Variants in RUNDC3B observed in about 807,000 individuals in gnomAD.
The protein encoded by RUNDC3B is RUN domain-containing protein 3B.
RUNDC3B carries 33 observed loss-of-function variants against 58.4 expected under a neutral mutation model. The observed-to-expected ratio is 0.56, with a 90% CI of 0.43 to 0.75. RUNDC3B has a LOEUF of 0.75. Among genes scored for constraint, RUNDC3B ranks in the 30% least tolerant of loss-of-function variants. The pLI is 0.00. For missense variants in RUNDC3B, 501 were observed against 535.7 expected (o/e 0.94, Z 0.64); for synonymous variants, 193 against 195.2 (o/e 0.99, Z 0.10).
chr7:87,679,835 A>G (rs1254126712), intron 2 of RUNDC3B, among the ~76,000 whole-genome samples: 2 of 150,776 alleles, frequency 1.3e-5, no homozygotes, highest in Non-Finnish European at 2.9e-5. Flanking sequence ...GAAATCATAT[A>G]AAGTATGTTC....
chr7:87,778,550 CA>C (rs1200722437), intron 8 of RUNDC3B, among the ~76,000 whole-genome samples: 2 of 151,822 alleles, frequency 1.3e-5, no homozygotes, highest in East Asian at 3.8e-4. Context: ...TATATTATTC[CA>C]AATGCATATG....
intron 3 of RUNDC3B, among the ~76,000 whole-genome samples, chr7:87,707,609 G>A (rs1014120615): frequency 2.0e-5 from 3 of 152,160 alleles, no homozygotes; most frequent in African/African-American, 7.2e-5. Context: ...GTGAGGCAGA[G>A]GTTGCAGTGA....
intron 3 of RUNDC3B, among the ~76,000 whole-genome samples, chr7:87,706,367 A>G (rs1829585680): frequency 6.6e-6 from 1 of 152,076 alleles, no homozygotes; most frequent in Admixed American, 6.5e-5. Context: ...TAATAAATTG[A>G]AGGGAGGAGT....
intron 4 of RUNDC3B, among the ~76,000 whole-genome samples, chr7:87,715,344 A>ATT (rs1563157946): frequency 8.5e-5 from 10 of 117,800 alleles, no homozygotes; most frequent in African/African-American, 3.7e-4. Context: ...ATTAATTTAT[A>ATT]ATAATTATAT....
At chr7:87,755,314 C>T (rs1833306266) in intron 6 of RUNDC3B, among the ~76,000 whole-genome samples, 1 of 152,030 alleles carries the variant, frequency 6.6e-6, no homozygotes, top group South Asian at 2.1e-4. Context: ...AGCCACCATG[C>T]CTGGCCAGCT....
intron 2 of RUNDC3B, among the ~76,000 whole-genome samples, chr7:87,660,802 T>G (rs1157012260): frequency 2.0e-5 from 3 of 151,956 alleles, no homozygotes; most frequent in Admixed American, 6.6e-5. Context: ...TTCTACTTGT[T>G]CTGATCATTT....
intron 9 of RUNDC3B, 148 bp from the exon 10 acceptor site, chr7:87,815,993 A>C: frequency 1.7e-6 from 1 of 601,560 alleles, no homozygotes; most frequent in East Asian, 2.9e-5. Context: ...GATCATACTG[A>C]AGCCAAGAAT....
chr7:87,645,293 A>G (rs1235471202), intron 1 of RUNDC3B, among the ~76,000 whole-genome samples: 2 of 152,052 alleles, frequency 1.3e-5, no homozygotes, highest in Admixed American at 1.3e-4. Context: ...CATGTTGGCC[A>G]GGCAGGTCTT....
At chr7:87,673,877 G>T (rs1194003779) in intron 2 of RUNDC3B, among the ~76,000 whole-genome samples, 1 of 152,050 alleles carries the variant, frequency 6.6e-6, no homozygotes, top group Non-Finnish European at 1.5e-5. Flanking sequence ...CCTTGGATGG[G>T]TTTTTTTGCT....
intron 4 of RUNDC3B, among the ~76,000 whole-genome samples, chr7:87,716,063 AAATT>A (rs1257374892): frequency 1.3e-5 from 2 of 152,164 alleles, no homozygotes; most frequent in African/African-American, 4.8e-5. Flanking sequence ...AAACAGGCAA[AAATT>A]AATTGATTAA....
At chr7:87,683,244 G>A (rs375331351) in intron 2 of RUNDC3B, among the ~76,000 whole-genome samples, 14 of 152,214 alleles carry the variant, frequency 9.2e-5, no homozygotes, top group African/African-American at 3.1e-4. Flanking sequence ...CTTCTATTCA[G>A]ACCACTCAAA....
At chr7:87,708,871 T>C (rs1390015200) in intron 3 of RUNDC3B, among the ~76,000 whole-genome samples, 2 of 152,220 alleles carry the variant, frequency 1.3e-5, no homozygotes, top group African/African-American at 4.8e-5. Context: ...TATATAAAGC[T>C]CTAAAACAGG....
intron 3 of RUNDC3B, among the ~76,000 whole-genome samples, chr7:87,705,150 C>A (rs888885326): frequency 6.6e-6 from 1 of 151,996 alleles, no homozygotes; most frequent in Non-Finnish European, 1.5e-5. Context: ...ATGGGCCAGG[C>A]GTGGTGGCTC....
chr7:87,672,546 G>C (rs1423382718), intron 2 of RUNDC3B, among the ~76,000 whole-genome samples: 6 of 152,192 alleles, frequency 3.9e-5, no homozygotes. Context: ...CAAGGGGTAT[G>C]TACAGGGGTC....
In RUNDC3B at chr7:87,832,100, CTAAAGG is replaced by C; in HGVS notation, c.*2073_*2078del. On this transcript the variant is annotated 3_prime_UTR_variant, in exon 11 of 11. Coordinates refer to ENST00000394654, the MANE Select transcript of RUNDC3B (RefSeq NM_001134405.2). ...AGGTTTCTACAGAGTTCGTTTCACA[CTAAAGG>C]TAGTTTGTTACTGTTTGCATGAGGA... The C allele has an allele frequency of 6.6e-6, 1 of 152,006 alleles. No homozygotes were observed. Among genetic ancestry groups the C allele is most frequent in the Non-Finnish European group, 1.5e-5 (1 of 67,870 alleles). 9.4% of individuals were successfully genotyped at this position (152,006 alleles called of 1,614,324 possible).
chr7:87,751,213 G>A (rs367549851), intron 6 of RUNDC3B, among the ~76,000 whole-genome samples: 3 of 151,910 alleles, frequency 2.0e-5, no homozygotes, highest in Non-Finnish European at 2.9e-5. Flanking sequence ...TATTTCTGAG[G>A]GCTCTGTTCT....
chr7:87,665,999 C>T (rs1825196693), intron 2 of RUNDC3B, among the ~76,000 whole-genome samples: 1 of 151,890 alleles, frequency 6.6e-6, no homozygotes, highest in Non-Finnish European at 1.5e-5. Context: ...GGGTATATAC[C>T]CGGTAATGGG....
chr7:87,634,500 G>T (rs1335424720), intron 1 of RUNDC3B, among the ~76,000 whole-genome samples: 5 of 135,400 alleles, frequency 3.7e-5, no homozygotes, highest in African/African-American at 5.3e-5. Flanking sequence ...GGGGTGGGGG[G>T]GGGGGCACCT....
intron 3 of RUNDC3B, among the ~76,000 whole-genome samples, chr7:87,702,040 G>A (rs1829094053): frequency 6.6e-6 from 1 of 150,474 alleles, no homozygotes; most frequent in Admixed American, 6.6e-5. Flanking sequence ...CTACTTGGGA[G>A]GCTGAGGCAG....
Sources: allele counts gnomAD v4.1 joint callset (sites outside exome capture counted in the v4.1 genomes callset), GRCh38; gene constraint gnomAD v4.1.1; transcripts MANE v1.5; gene names NCBI Gene and HGNC (gene_info 2026-07-23, HGNC 2026-07-21).